The following USP37 variants were observed in gnomAD, a reference collection of about 807,000 sequenced individuals.
The protein encoded by USP37 is ubiquitin carboxyl-terminal hydrolase 37.
In USP37, 27 loss-of-function variants were observed where a neutral mutation model predicts 124.0. The observed-to-expected ratio is 0.22, with a 90% confidence interval of 0.16 to 0.30. The LOEUF is 0.30. Ranked by LOEUF, USP37 falls within the 10% of genes least tolerant of loss-of-function variation. The pLI is 1.00. For missense variants in USP37, 889 were observed against 1,140.4 expected (o/e 0.78, Z 3.17); for synonymous variants, 365 against 388.0 (o/e 0.94, Z 0.70).
intron 20 of USP37, among the ~76,000 whole-genome samples, chr2:218,473,898 T>A (rs923075449): frequency 6.6e-6 from 1 of 152,230 alleles, no homozygotes; most frequent in Non-Finnish European, 1.5e-5. Flanking sequence ...CTAGATGGTA[T>A]AGCTGACTAT....
chr2:218,491,419 A>C (rs1027514461), intron 14 of USP37, among the ~76,000 whole-genome samples: 3 of 152,154 alleles, frequency 2.0e-5, no homozygotes, highest in African/African-American at 7.2e-5. Flanking sequence ...GACCTTAATG[A>C]GATAGAAGAG....
intron 2 of USP37, 96 bp from the exon 3 acceptor site, chr2:218,560,979 A>G (rs1693275944): frequency 6.6e-6 from 1 of 152,192 alleles, no homozygotes; most frequent in Non-Finnish European, 1.5e-5. Flanking sequence ...CTCATCAAAA[A>G]TTTTTAAGTG....
intron 15 of USP37, chr2:218,486,471 G>A (rs1691563982): frequency 6.6e-6 from 1 of 152,222 alleles, no homozygotes; most frequent in Non-Finnish European, 1.5e-5. Flanking sequence ...GCAACTGGGT[G>A]GGAGGGAGGG....
intron 14 of USP37, among the ~76,000 whole-genome samples, chr2:218,490,451 G>A (rs1691866805): frequency 6.6e-6 from 1 of 152,154 alleles, no homozygotes; most frequent in Admixed American, 6.6e-5. Flanking sequence ...TAAAACGTGA[G>A]CTCAGAGATT....
At chr2:218,522,394 C>T (rs1690705190) in intron 10 of USP37, among the ~76,000 whole-genome samples, 2 of 150,864 alleles carry the variant, frequency 1.3e-5, no homozygotes, top group South Asian at 4.2e-4. Flanking sequence ...AAGACCCCAT[C>T]TCTCTCTTTT....
chr2:218,531,239 A>C (rs1205378942), intron 9 of USP37, among the ~76,000 whole-genome samples: 2 of 152,210 alleles, frequency 1.3e-5, no homozygotes, highest in Non-Finnish European at 2.9e-5. Flanking sequence ...GTGGCTGAGG[A>C]CTTGAAGCTG....
chr2:218,522,562 CAAAAA>C (rs11335637), intron 10 of USP37, among the ~76,000 whole-genome samples: 1 of 105,288 alleles, frequency 9.5e-6, no homozygotes. Context: ...AACTCCACCA[CAAAAA>C]AAAAAAAAAA....
chr2:218,558,072 T>C (rs2106058543), intron 4 of USP37, among the ~76,000 whole-genome samples: 1 of 152,104 alleles, frequency 6.6e-6, no homozygotes, highest in East Asian at 1.9e-4. Context: ...ACCATGACAT[T>C]TGGCAGGATT....
rs370935552 is a variant in USP37 at position 218,529,933 on chromosome 2, C to G, written c.863+23G>C. On this transcript the variant is annotated intron_variant, in intron 10 of 25. Coordinates refer to ENST00000258399, the MANE Select transcript of USP37 (RefSeq NM_020935.3). ...AAAAAAAGAACTCCTAAGTTTTTCA[C>G]AAGTAATATAACCAATGCATACCTG... 2.2e-5 allele frequency: 34 copies of G among 1,566,816 alleles called. No homozygotes were observed. The African/African-American group carries it at 4.5e-4, about 21-fold the overall frequency.
At chr2:218,543,504 A>C (rs1481992296) in intron 8 of USP37, among the ~76,000 whole-genome samples, 19 of 124,284 alleles carry the variant, frequency 1.5e-4, no homozygotes, top group Non-Finnish European at 2.7e-4. Context: ...TCCGTCTCAA[A>C]AAAAAAAAAA....
chr2:218,469,166 G>A (rs970679203), intron 20 of USP37, among the ~76,000 whole-genome samples: 2 of 152,120 alleles, frequency 1.3e-5, no homozygotes, highest in Admixed American at 1.3e-4. Flanking sequence ...AATCCCAATT[G>A]TTCAGAAAAA....
intron 21 of USP37, among the ~76,000 whole-genome samples, chr2:218,463,685 G>A (rs1286841518): frequency 4.0e-5 from 6 of 151,348 alleles, no homozygotes; most frequent in South Asian, 2.1e-4. Context: ...ACAGGCGCCC[G>A]CCACCACGTC....
chr2:218,476,692 G>A (rs906779804), intron 19 of USP37, 148 bp downstream of exon 19: 1 of 871,794 alleles, frequency 1.1e-6, no homozygotes, highest in Non-Finnish European at 1.6e-6. Flanking sequence ...CGTAAGTCTT[G>A]ATCCATCTGT....
In USP37 at chr2:218,455,485, T is replaced by C. The variant is rs975529887; in HGVS notation, c.2852+95A>G. On this transcript the variant is annotated intron_variant, in intron 25 of 25. Transcript: ENST00000258399. Reference sequence around the variant, plus strand: ...AACCAAAAATTTTCAACCAATCAACTGATGGAAACATTTTATCCTCAAAGG... The same window carrying C: ...AACCAAAAATTTTCAACCAATCAACCGATGGAAACATTTTATCCTCAAAGG... The C allele has an allele frequency of 5.4e-6, 8 of 1,481,418 alleles. No homozygotes were observed. In the East Asian group the frequency reaches 1.4e-4, roughly 26 times the overall value. The allele number at this position is 1,481,418 out of a possible 1,614,324, so 91.8% of individuals were successfully genotyped here. A position where few individuals can be genotyped will look rare whatever the true frequency, so the allele number is the denominator to read the frequency against.
intron 9 of USP37, among the ~76,000 whole-genome samples, chr2:218,533,365 C>T (rs762053180): frequency 2.4e-4 from 36 of 152,130 alleles, no homozygotes; most frequent in Admixed American, 8.5e-4. Context: ...TTGTTCTCCT[C>T]TCTCCAACCA....
chr2:218,476,200 T>A (rs1206831803), intron 19 of USP37, among the ~76,000 whole-genome samples: 1 of 152,172 alleles, frequency 6.6e-6, no homozygotes, highest in Non-Finnish European at 1.5e-5. Context: ...TTAATCCAAT[T>A]AATAAATCCA....
chr2:218,508,551 G>A (rs1024005024), intron 11 of USP37, among the ~76,000 whole-genome samples: 1 of 152,066 alleles, frequency 6.6e-6, no homozygotes, highest in Non-Finnish European at 1.5e-5. Flanking sequence ...AATGAAACAA[G>A]TAAGATCAGG....
chr2:218,563,609 C>G (rs989794849), intron 1 of USP37, among the ~76,000 whole-genome samples: 1 of 152,164 alleles, frequency 6.6e-6, no homozygotes, highest in Non-Finnish European at 1.5e-5. Context: ...AAGTTCTACC[C>G]GCACATCTCT....
chr2:218,464,578 C>T (rs1690207999), intron 21 of USP37, among the ~76,000 whole-genome samples: 2 of 152,144 alleles, frequency 1.3e-5, no homozygotes, highest in African/African-American at 4.8e-5. Flanking sequence ...CCAAAGCAGG[C>T]CTCAAACAAG....
Sources: gnomAD v4.1 joint callset for allele counts (sites outside exome capture counted in the v4.1 genomes callset) on GRCh38, gnomAD v4.1.1 for gene constraint, MANE v1.5 for transcripts, NCBI Gene and HGNC (gene_info 2026-07-23, HGNC 2026-07-21) for gene names.